The following COL17A1 variants were observed in gnomAD, a reference collection of about 807,000 sequenced individuals.
COL17A1 encodes collagen alpha-1(XVII) chain.
In COL17A1, 181 loss-of-function variants were observed where a neutral mutation model predicts 218.4. The ratio of observed to expected loss-of-function variants is 0.83; its 90% CI spans 0.73 to 0.94. COL17A1 has a LOEUF of 0.94. Ranked by LOEUF, COL17A1 falls within the 40% of genes least tolerant of loss-of-function variation. The probability of loss-of-function intolerance (pLI) is 0.00; values close to 1 mark genes in which losing one functional copy is unlikely to be tolerated. For missense variants in COL17A1, 1,924 were observed against 1,945.9 expected (o/e 0.99, Z 0.21); for synonymous variants, 721 against 731.0 (o/e 0.99, Z 0.22).
chr10:104,064,584 T>G lies in COL17A1; in HGVS notation c.620A>C (p.Tyr207Ser), dbSNP rs2086611294. 1 of 1,613,216 alleles carries G rather than the reference T, an allele frequency of 6.2e-7. No homozygotes were observed. Among genetic ancestry groups the G allele is most frequent in the African/African-American group, 1.3e-5 (1 of 74,912 alleles). The change falls in exon 10 of 56, where the codon TAC becomes TCC. Residue 207 changes from tyrosine to serine, a missense_variant. Coordinates refer to ENST00000648076, the MANE Select transcript of COL17A1 (RefSeq NM_000494.4). ...GTTGGCATCCAGGATCGTTGCATCG[T>G]AGGTGCCTGACACTGGAAACAGACA... The part of the protein sequence containing the change: ...TASSQSVSGT[Y>S]DATILDANLP...
At chr10:104,048,368 C>A (rs1488229590) in intron 29 of COL17A1, among the ~76,000 whole-genome samples, 1 of 152,214 alleles carries the variant, frequency 6.6e-6, no homozygotes, top group African/African-American at 2.4e-5. Context: ...CAATGCTTGT[C>A]GCGTTTACTT....
At position 104,033,946 on chromosome 10, in the gene COL17A1, C is replaced by T; in HGVS notation, c.4155G>A (p.Gln1385=). 6.2e-7 allele frequency: 1 copy of T among 1,614,210 alleles called. No individual in the cohort carries two copies. Residue 1385 remains glutamine (Q), a splice_region_variant and synonymous_variant, in exon 52 of 56, where the codon CAG becomes CAA. Transcript: ENST00000648076. ...ELAVRVSESM[Q]RQGLLQGMAY... is the part of the protein sequence containing the mutation. Reference sequence around the variant, plus strand: ...CAAGGCCTAAATGTCCCCACTTACGCTGCATGCTCTCTGACACCCTCACAG... The same window carrying T: ...CAAGGCCTAAATGTCCCCACTTACGTTGCATGCTCTCTGACACCCTCACAG...
rs1199664033 is a variant in COL17A1, at chr10:104,085,723, C to A, written c.-12G>T. ...AAGGTCAGTCTTCCTGTTTACTTAC[C>A]TGGTTTGAGGTTTTGAAGGAATTGG... On this transcript the variant is annotated splice_region_variant and 5_prime_UTR_variant, in exon 1 of 56. It adds an upstream start codon to the 5' untranslated region. Transcript: ENST00000648076. 2 of 152,604 alleles carry A rather than the reference C, an allele frequency of 1.3e-5. No individual in the cohort carries two copies. The highest frequency in any genetic ancestry group is 2.9e-5 in the Non-Finnish European group (2 of 68,030). The allele number at this position is 152,604 out of a possible 1,614,324, so 9.5% of individuals were successfully genotyped here.
intron 36 of COL17A1, 76 bp downstream of exon 36, chr10:104,042,344 A>G (rs2134588265): frequency 6.8e-7 from 1 of 1,464,674 alleles, no homozygotes; most frequent in Non-Finnish European, 9.6e-7. Context: ...TAGAACAGAG[A>G]GGCCCATGTC....
At chr10:104,072,823 A>G (rs1303197369) in intron 7 of COL17A1, among the ~76,000 whole-genome samples, 1 of 152,184 alleles carries the variant, frequency 6.6e-6, no homozygotes, top group Non-Finnish European at 1.5e-5. Context: ...TTGAAAAAAA[A>G]TTTGGGGAGA....
At chr10:104,084,818 A>T (rs1462107915) in intron 1 of COL17A1, among the ~76,000 whole-genome samples, 1 of 152,242 alleles carries the variant, frequency 6.6e-6, no homozygotes, top group African/African-American at 2.4e-5. Flanking sequence ...ATATGGAGGT[A>T]AGAAGAAACT....
At chr10:104,041,372 T>C (rs1473882617) in intron 37 of COL17A1, 28 bp from the exon 38 acceptor site, 1 of 1,608,574 alleles carries the variant, frequency 6.2e-7, no homozygotes, top group Non-Finnish European at 8.5e-7. Flanking sequence ...GAAGAGGCCA[T>C]GCTGAGCTCA....
At position 104,037,498 on chromosome 10, in the gene COL17A1, G is replaced by A; in HGVS notation, c.3208+138C>T. On this transcript the variant is annotated intron_variant, in intron 46 of 55. Transcript: ENST00000648076. ...TGTTGACACTGTATCCCAGTGGCCC[G>A]ATTATTATGAATTCGGAATTAAAAC... The A allele has an allele frequency of 5.0e-6, 6 of 1,202,048 alleles. 1 individual carries two copies. The highest frequency in any genetic ancestry group is 3.7e-5 in the South Asian group (3 of 81,792). 74.5% of individuals were successfully genotyped at this position (1,202,048 alleles called of 1,614,324 possible). A position where few individuals can be genotyped will look rare whatever the true frequency, so the allele number is the denominator to read the frequency against.
At chr10:104,070,644 T>A (rs1054065808) in intron 8 of COL17A1, 75 bp from the exon 9 acceptor site, 3 of 1,612,044 alleles carry the variant, frequency 1.9e-6, no homozygotes, top group Non-Finnish European at 2.5e-6. Context: ...GGGGGGAACA[T>A]TTGTGGCATT....
intron 2 of COL17A1, among the ~76,000 whole-genome samples, chr10:104,079,188 C>CAGT (rs2086737729): frequency 6.6e-6 from 1 of 152,146 alleles, no homozygotes; most frequent in African/African-American, 2.4e-5. Flanking sequence ...CTTGAAGAAC[C>CAGT]AGTCCCTTGG....
At chr10:104,067,970 G>GAGAGAC (rs2086640965) in intron 9 of COL17A1, among the ~76,000 whole-genome samples, 1 of 152,026 alleles carries the variant, frequency 6.6e-6, no homozygotes, top group Non-Finnish European at 1.5e-5. Flanking sequence ...GAGGAAGAGA[G>GAGAGAC]AGAGACAGGG....
chr10:104,050,184 A>G, intron 27 of COL17A1, 60 bp from the exon 28 acceptor site: 3 of 1,611,116 alleles, frequency 1.9e-6, no homozygotes, highest in South Asian at 1.1e-5. Flanking sequence ...AAACACTCTC[A>G]CCCAGTAACA....
At chr10:104,050,963 T>C in intron 25 of COL17A1, 62 bp from the exon 26 acceptor site, 1 of 1,612,572 alleles carries the variant, frequency 6.2e-7, no homozygotes, top group East Asian at 2.2e-5. Context: ...TGATGAGACA[T>C]GTATGCACAC....
At chr10:104,033,397 G>T (rs1564669297) in intron 52 of COL17A1, 22 bp from the exon 53 acceptor site, 16 of 1,607,888 alleles carry the variant, frequency 1.0e-5, no homozygotes, top group Admixed American at 1.7e-5. Flanking sequence ...CAGAGCTTGG[G>T]CACAGGAAGC....
chr10:104,070,590 G>A (rs370349346), intron 8 of COL17A1, 21 bp from the exon 9 acceptor site: 51 of 1,614,034 alleles, frequency 3.2e-5, no homozygotes, highest in Middle Eastern at 1.6e-4. Flanking sequence ...ATCCACAGAC[G>A]TTTCTGTTAA....
At chr10:104,074,099 C>G in intron 6 of COL17A1, 85 bp downstream of exon 6, 1 of 1,602,728 alleles carries the variant, frequency 6.2e-7, no homozygotes, top group Non-Finnish European at 8.5e-7. Flanking sequence ...TCATGAGGTC[C>G]CCTACTCCCA....
chr10:104,034,971 C>T (rs1027765516), intron 50 of COL17A1, among the ~76,000 whole-genome samples: 4 of 152,174 alleles, frequency 2.6e-5, no homozygotes, highest in Admixed American at 2.6e-4. Flanking sequence ...GTCAGGCTCT[C>T]CCACTCCCAA....
intron 20 of COL17A1, 110 bp downstream of exon 20, chr10:104,054,871 T>A (rs766689625): frequency 6.5e-7 from 1 of 1,536,058 alleles, no homozygotes; most frequent in Non-Finnish European, 8.9e-7. Context: ...GTCCCATCTG[T>A]TGTCAAATTA....
intron 48 of COL17A1, among the ~76,000 whole-genome samples, chr10:104,035,840 A>G (rs1428154185): frequency 2.1e-5 from 3 of 141,420 alleles, no homozygotes; most frequent in Non-Finnish European, 4.6e-5. Context: ...ATGGGAGTGT[A>G]TCGGAGTGTG....
Sources: allele counts gnomAD v4.1 joint callset (sites outside exome capture counted in the v4.1 genomes callset), GRCh38; gene constraint gnomAD v4.1.1; transcripts MANE v1.5; gene names NCBI Gene and HGNC (gene_info 2026-07-23, HGNC 2026-07-21).